PKP4: variants seen among roughly 807,000 people sequenced by gnomAD.
PKP4 encodes the protein plakophilin-4.
In PKP4, 90 loss-of-function variants were observed where a neutral mutation model predicts 145.1. That is an observed-to-expected ratio of 0.62 (90% CI 0.52 to 0.74). The LOEUF (loss-of-function observed/expected upper bound fraction) is 0.74, where lower values mean the gene tolerates loss of function less well. Ranked by LOEUF, PKP4 falls within the 30% of genes least tolerant of loss-of-function variation. The probability of loss-of-function intolerance (pLI) is 0.00; values close to 1 mark genes in which losing one functional copy is unlikely to be tolerated. For synonymous variants in PKP4, 563 were observed against 577.2 expected (o/e 0.98, Z 0.35); for missense variants, 1,340 against 1,482.7 (o/e 0.90, Z 1.58).
chr2:158,500,962 G>A (rs1394495312), intron 1 of PKP4, among the ~76,000 whole-genome samples: 1 of 152,122 alleles, frequency 6.6e-6, no homozygotes, highest in Non-Finnish European at 1.5e-5. Context: ...TAATGAAGGA[G>A]CCGTTCTTAT....
intron 2 of PKP4, among the ~76,000 whole-genome samples, chr2:158,541,164 T>G (rs1317184026): frequency 6.6e-6 from 1 of 152,162 alleles, no homozygotes; most frequent in Non-Finnish European, 1.5e-5. Context: ...GGTATAACCC[T>G]AAAGTTATTC....
chr2:158,619,231 A>T (rs549336662), intron 4 of PKP4, among the ~76,000 whole-genome samples: 1 of 152,354 alleles, frequency 6.6e-6, no homozygotes, highest in South Asian at 2.1e-4. Flanking sequence ...GAAGATGTAC[A>T]AGTAAAGCAG....
At chr2:158,481,463 C>G (rs988317129) in intron 1 of PKP4, among the ~76,000 whole-genome samples, 1 of 152,076 alleles carries the variant, frequency 6.6e-6, no homozygotes, top group Non-Finnish European at 1.5e-5. Context: ...TGAGAAACTC[C>G]CAAACTGTTT....
At chr2:158,669,946 G>A (rs768663156) in intron 17 of PKP4, 31 bp downstream of exon 17, 1 of 1,554,192 alleles carries the variant, frequency 6.4e-7, no homozygotes, top group East Asian at 2.3e-5. Context: ...TGCAAGCAGT[G>A]CTCTTATTCC....
intron 3 of PKP4, among the ~76,000 whole-genome samples, chr2:158,601,313 C>A (rs1042710511): frequency 1.3e-5 from 2 of 152,074 alleles, no homozygotes; most frequent in South Asian, 4.2e-4. Flanking sequence ...TTGAGGTATA[C>A]TAAACATTTC....
intron 3 of PKP4, among the ~76,000 whole-genome samples, chr2:158,600,784 CTATT>C (rs1196045366): frequency 2.0e-5 from 3 of 152,176 alleles, no homozygotes; most frequent in South Asian, 4.2e-4. Flanking sequence ...TACCATGGAA[CTATT>C]TATTTATTTT....
At chr2:158,522,711 C>A (rs2042501111) in intron 1 of PKP4, among the ~76,000 whole-genome samples, 1 of 152,246 alleles carries the variant, frequency 6.6e-6, no homozygotes, top group South Asian at 2.1e-4. Flanking sequence ...GCATTTCCAT[C>A]TGAGGTACCG....
chr2:158,514,667 G>T (rs1470897185), intron 1 of PKP4, among the ~76,000 whole-genome samples: 3 of 152,188 alleles, frequency 2.0e-5, no homozygotes, highest in Admixed American at 2.0e-4. Context: ...TAGCCCGGGT[G>T]TGGTGGCTCA....
At chr2:158,605,541 G>A (rs936483724) in intron 4 of PKP4, among the ~76,000 whole-genome samples, 1 of 151,902 alleles carries the variant, frequency 6.6e-6, no homozygotes, top group Non-Finnish European at 1.5e-5. Context: ...TGGCAAATTT[G>A]GCACACATGC....
chr2:158,662,183 T>A (rs1273689290), intron 13 of PKP4: 1 of 152,362 alleles, frequency 6.6e-6, no homozygotes, highest in Non-Finnish European at 1.5e-5. Flanking sequence ...GAAAAAAGGA[T>A]GAAGAGTGCC....
intron 8 of PKP4, 51 bp downstream of exon 8, chr2:158,631,992 A>G: frequency 5.8e-6 from 9 of 1,539,042 alleles, no homozygotes; most frequent in Non-Finnish European, 8.1e-6. Context: ...GCCCCACAGT[A>G]GAAGTGTTTT....
chr2:158,660,692 G>A (rs2056483326), intron 12 of PKP4: 1 of 152,074 alleles, frequency 6.6e-6, no homozygotes, highest in Non-Finnish European at 1.5e-5. Flanking sequence ...CCGTTTTCTG[G>A]GTGTTTTATA....
intron 1 of PKP4, among the ~76,000 whole-genome samples, chr2:158,479,760 A>G (rs191131782): frequency 1.1e-4 from 17 of 152,266 alleles, no homozygotes; most frequent in African/African-American, 4.1e-4. Flanking sequence ...ATAACTCTTG[A>G]TTTATTCTTT....
Position 158,490,370 on chromosome 2 carries a change from G to A in PKP4, c.-6+33152G>A, listed in dbSNP as rs543060735. 2.8e-3 allele frequency among the ~76,000 whole-genome samples: 419 copies of A among 149,650 alleles called. 10 individuals carry two copies. The highest frequency in any genetic ancestry group is 9.6e-4 in the Non-Finnish European group (65 of 67,416). Reference sequence around the variant, plus strand: ...TGATTTAAAAAAAAAAAAAAAAGACGGCAAACAAATGTGATATTTACAAGA... The same window carrying A: ...TGATTTAAAAAAAAAAAAAAAAGACAGCAAACAAATGTGATATTTACAAGA... On this transcript the variant is annotated intron_variant, in intron 1 of 21. Transcript: ENST00000389759.
chr2:158,563,448 T>TA (rs2046708930), intron 2 of PKP4, among the ~76,000 whole-genome samples: 1 of 152,190 alleles, frequency 6.6e-6, no homozygotes, highest in Admixed American at 6.5e-5. Flanking sequence ...GATGTCTTTT[T>TA]AAAAACAACT....
In PKP4 at chr2:158,645,198, C is replaced by T. The variant is rs115140086; in HGVS notation, c.1909+2499C>T. On this transcript the variant is annotated intron_variant, in intron 11 of 21. Transcript: ENST00000389759. ...TGTATTTTGACTATTAATGCTTTAG[C>T]GCTTCTAAATTAGTACTCCCACTTT... Among the ~76,000 whole-genome samples, 424 of 152,260 alleles carry T rather than the reference C, an allele frequency of 2.8e-3. 1 individual carries two copies. The highest frequency in any genetic ancestry group is 6.3e-3 in the Admixed American group (96 of 15,294).
intron 1 of PKP4, among the ~76,000 whole-genome samples, chr2:158,460,344 A>G (rs1689579671): frequency 6.6e-6 from 1 of 152,224 alleles, no homozygotes; most frequent in Non-Finnish European, 1.5e-5. Flanking sequence ...GACCTTGAGT[A>G]TTTGGATTAG....
intron 1 of PKP4, among the ~76,000 whole-genome samples, chr2:158,495,461 C>T (rs1457327449): frequency 1.3e-5 from 2 of 151,826 alleles, no homozygotes; most frequent in African/African-American, 2.4e-5. Flanking sequence ...TCTGCTGAGT[C>T]GCTTATACTC....
At chr2:158,467,050 T>G (rs6752425) in intron 1 of PKP4, among the ~76,000 whole-genome samples, 1 of 152,256 alleles carries the variant, frequency 6.6e-6, no homozygotes, top group East Asian at 1.9e-4. Context: ...TTAAGAGTAA[T>G]GAAACAAAAT....
Sources: allele counts gnomAD v4.1 joint callset (sites outside exome capture counted in the v4.1 genomes callset), GRCh38; gene constraint gnomAD v4.1.1; transcripts MANE v1.5; gene names NCBI Gene and HGNC (gene_info 2026-07-23, HGNC 2026-07-21).